The following HAUS8 variants were observed in gnomAD, a reference collection of about 807,000 sequenced individuals.
HAUS8 encodes the protein HAUS augmin like complex subunit 8.
In HAUS8, 38 loss-of-function variants were observed where a neutral mutation model predicts 42.9. That is an observed-to-expected ratio of 0.89 (90% CI 0.68 to 1.16). The LOEUF is 1.16. Among genes scored for constraint, HAUS8 ranks in the 50% most tolerant of loss-of-function variants. The pLI is 0.00. For synonymous variants in HAUS8, 199 were observed against 205.8 expected, an observed-to-expected ratio of 0.97 and a Z score of 0.28; for missense variants, 494 against 511.6, an observed-to-expected ratio of 0.97 and a Z score of 0.33.
In HAUS8 at chr19:17,062,701, T is replaced by C; in HGVS notation, c.226A>G (p.Lys76Glu). The stretch of plus-strand genomic sequence containing the variant: ...GAGGACCATGGCTGTTTCGCACCTT[T>C]GCTTTTCTGGAGCAGGCTGGATTTC... ...GRKSSLLQKS[K>E]ADSSGVGKGD... The change falls in exon 4 of 11, where the codon AAA becomes GAA. Residue 76 changes from lysine to glutamate, a missense_variant. By Grantham distance (56) the Lys-to-Glu change is moderately conservative. Coordinates refer to ENST00000253669, the MANE Select transcript of HAUS8 (RefSeq NM_033417.2). 1 of 1,614,058 alleles carries C rather than the reference T, an allele frequency of 6.2e-7. No individual in the cohort carries two copies.
In HAUS8 at chr19:17,058,820, T is replaced by G. The variant is rs147602580; in HGVS notation, c.477A>C (p.Leu159=). 1 of 1,613,490 alleles carries G rather than the reference T, an allele frequency of 6.2e-7. No individual in the cohort carries two copies. Among genetic ancestry groups the G allele is most frequent in the Non-Finnish European group, 8.5e-7 (1 of 1,179,788 alleles). Residue 159 remains leucine, a synonymous_variant, in exon 7 of 11, where the codon CTA becomes CTC. Coordinates refer to ENST00000253669, the MANE Select transcript of HAUS8 (RefSeq NM_033417.2). The part of the protein sequence containing the change: ...MESQTLLLTL[L]SVKMENNLAE... ...AAGAAACTGTTTTCACCTTTACGGA[T>G]AGTAGCGTCAGCAGTAGTGTCTGAG...
At chr19:17,051,952 C>A (rs1433280063) in intron 10 of HAUS8, 2 of 151,790 alleles carry the variant, frequency 1.3e-5, no homozygotes, top group African/African-American at 4.8e-5. Flanking sequence ...ACCAGCCTGA[C>A]CAACAAGGTG....
At chr19:17,073,914 A>T (rs2057444996) in intron 1 of HAUS8, 2 of 153,698 alleles carry the variant, frequency 1.3e-5, no homozygotes, top group Non-Finnish European at 2.9e-5. Context: ...ACACAGGAGA[A>T]CTGCTTGAAC....
intron 10 of HAUS8, among the ~76,000 whole-genome samples, chr19:17,050,568 T>C (rs759973862): frequency 2.1e-4 from 32 of 152,124 alleles, no homozygotes; most frequent in Non-Finnish European, 4.0e-4. Flanking sequence ...GAGACCAGCC[T>C]GGGCAACATG....
chr19:17,059,778 T>G, intron 5 of HAUS8, 127 bp from the exon 6 acceptor site: 1 of 703,716 alleles, frequency 1.4e-6, no homozygotes, highest in South Asian at 1.8e-5. Context: ...TATATGGACT[T>G]ATAACAGTCC....
intron 6 of HAUS8, 97 bp from the exon 7 acceptor site, chr19:17,058,973 C>G (rs2057343379): frequency 7.2e-6 from 7 of 968,882 alleles, no homozygotes; most frequent in Non-Finnish European, 1.1e-5. Context: ...TGTGGATTTT[C>G]TGTATTCAGT....
In HAUS8 at chr19:17,058,993, G is replaced by A. The variant is rs933809781; in HGVS notation, c.421-117C>T. 3.9e-5 allele frequency: 31 copies of A among 790,598 alleles called. No homozygotes were observed. In the Admixed American group the frequency reaches 5.1e-4, roughly 13 times the overall value. The allele number at this position is 790,598 out of a possible 1,614,324, so 49.0% of individuals were successfully genotyped here. A position where few individuals can be genotyped will look rare whatever the true frequency, so the allele number is the denominator to read the frequency against. ...ATTTTCTGTATTCAGTTTGATATTC[G>A]GTAGTTCTCTACTGTAGTGGGTCTA... On this transcript the variant is annotated intron_variant, in intron 6 of 10. Transcript: ENST00000253669.
intron 9 of HAUS8, chr19:17,053,818 A>G (rs1311071724): frequency 6.6e-6 from 1 of 151,762 alleles, no homozygotes; most frequent in Admixed American, 6.6e-5. Flanking sequence ...ACCTGCCACC[A>G]CACCTGGCTA....
At chr19:17,063,737 G>C (rs754107910) in intron 3 of HAUS8, among the ~76,000 whole-genome samples, 31 of 152,278 alleles carry the variant, frequency 2.0e-4, no homozygotes, top group Non-Finnish European at 4.1e-4. Flanking sequence ...AGTGGAAGGA[G>C]GAGAAATTCA....
At chr19:17,068,476 G>C (rs1395818537) in intron 3 of HAUS8, among the ~76,000 whole-genome samples, 1 of 152,134 alleles carries the variant, frequency 6.6e-6, no homozygotes, top group Non-Finnish European at 1.5e-5. Flanking sequence ...GGGTTGAAAG[G>C]CAAGAACAGG....
chr19:17,061,773 C>A lies in HAUS8; in HGVS notation c.229+925G>T, dbSNP rs548046765. Among the ~76,000 whole-genome samples the A allele has an allele frequency of 3.9e-5, 6 of 152,288 alleles. No homozygotes were observed. In the South Asian group the frequency reaches 1.2e-3, roughly 32 times the overall value. ...ATCTCCAGACACTGCCTAAGCGTTC[C>A]CTGGGGGTCAGAATCGCCCTTGAGT... On this transcript the variant is annotated intron_variant, in intron 4 of 10. Coordinates refer to ENST00000253669, the MANE Select transcript of HAUS8 (RefSeq NM_033417.2).
chr19:17,070,513 C>T (rs956848111), intron 2 of HAUS8, among the ~76,000 whole-genome samples: 4 of 152,304 alleles, frequency 2.6e-5, no homozygotes, highest in African/African-American at 7.2e-5. Context: ...GCCGCTCTGC[C>T]GCGTGGACCC....
intron 4 of HAUS8, among the ~76,000 whole-genome samples, chr19:17,061,404 C>T (rs1029432852): frequency 4.6e-5 from 7 of 152,100 alleles, no homozygotes; most frequent in South Asian, 2.1e-4. Context: ...TCCAAAGTGC[C>T]GGGATTACAG....
chr19:17,050,143 C>T lies in HAUS8; in HGVS notation c.963G>A (p.Glu321=). Residue 321 remains glutamate (E), a synonymous_variant, in exon 11 of 11, where the codon GAG becomes GAA. Coordinates refer to ENST00000253669, the MANE Select transcript of HAUS8 (RefSeq NM_033417.2). ...SFAQVLELSA[E]ASKEAALANQ... is the part of the protein sequence containing the mutation. ...TTGCCAAGGCTGCCTCTTTGCTTGC[C>T]TCTGCGGAGAGTTCCAGCACCTGGG... 15 of 1,544,040 alleles carry T rather than the reference C, an allele frequency of 9.7e-6. No homozygotes were observed. Among genetic ancestry groups the T allele is most frequent in the Non-Finnish European group, 1.2e-5 (14 of 1,144,938 alleles).
chr19:17,050,104 C>T lies in HAUS8; in HGVS notation c.1002G>A (p.Trp334Ter). The T allele has an allele frequency of 6.3e-7, 1 of 1,588,556 alleles. No homozygotes were observed. The stretch of plus-strand genomic sequence containing the variant: ...GGGGCGCCATGCCCTGGGTCTCTTC[C>T]CAGACTTCCTGGTTTGCCAAGGCTG... ...KEAALANQEVWEETQGMAPPS... is the reference protein window; with the variant it reads ...KEAALANQEV The change falls in exon 11 of 11, where the codon TGG (tryptophan) becomes TGA (stop). Residue 334 changes from tryptophan to a stop codon, truncating the protein, a stop_gained. Coordinates refer to ENST00000253669, the MANE Select transcript of HAUS8 (RefSeq NM_033417.2). LOFTEE classifies it low-confidence loss of function (END_TRUNC).
intron 7 of HAUS8, 50 bp from the exon 8 acceptor site, chr19:17,058,757 G>C: frequency 1.2e-6 from 2 of 1,605,470 alleles, no homozygotes; most frequent in Non-Finnish European, 1.7e-6. Flanking sequence ...CCCTCCCCGT[G>C]AATGGAGGCC....
At chr19:17,062,808 G>C (rs1446744268) in intron 3 of HAUS8, 29 bp from the exon 4 acceptor site, 1 of 1,543,302 alleles carries the variant, frequency 6.5e-7, no homozygotes, top group Admixed American at 1.7e-5. Flanking sequence ...ACACTCAGAG[G>C]ACAAGACATC....
At chr19:17,066,386 G>A (rs1217368112) in intron 3 of HAUS8, among the ~76,000 whole-genome samples, 4 of 152,122 alleles carry the variant, frequency 2.6e-5, no homozygotes, top group Non-Finnish European at 4.4e-5. Flanking sequence ...ACCACACTTG[G>A]CTCCATCTGT....
rs1436048273 is a variant in HAUS8, at chr19:17,055,144, ATATAT to A, written c.787+712_787+716del. 4.2e-3 allele frequency: 10 copies of A among 2,370 alleles called. 2 individuals carry two copies. Among genetic ancestry groups the A allele is most frequent in the Non-Finnish European group, 7.2e-3 (10 of 1,382 alleles). 0.1% of individuals were successfully genotyped at this position (2,370 alleles called of 1,614,324 possible). On this transcript the variant is annotated intron_variant, in intron 9 of 10. Transcript: ENST00000253669. ...AAAAAAAAAAAAAAAAAAAAAAAAA[ATATAT>A]ATATATATATATATATATATATATA... is the stretch of plus-strand genomic sequence containing the variant.
Sources: gnomAD v4.1 joint callset for allele counts (sites outside exome capture counted in the v4.1 genomes callset) on GRCh38, gnomAD v4.1.1 for gene constraint, MANE v1.5 for transcripts, NCBI Gene and HGNC (gene_info 2026-07-23, HGNC 2026-07-21) for gene names.